Variants in PAK1 observed in about 807,000 individuals in gnomAD.
The protein encoded by PAK1 is serine/threonine-protein kinase PAK 1.
A neutral mutation model predicts 67.4 loss-of-function variants in PAK1; 29 were observed. That is an observed-to-expected ratio of 0.43 (90% CI 0.32 to 0.59). The LOEUF (loss-of-function observed/expected upper bound fraction) is 0.59, where lower values mean the gene tolerates loss of function less well. Ranked by LOEUF, PAK1 falls within the 20% of genes least tolerant of loss-of-function variation. The probability of loss-of-function intolerance (pLI) is 0.07; values close to 1 mark genes in which losing one functional copy is unlikely to be tolerated. For synonymous variants in PAK1, 223 were observed against 237.4 expected, an observed-to-expected ratio of 0.94 and a Z score of 0.56; for missense variants, 337 against 670.7, an observed-to-expected ratio of 0.50 and a Z score of 5.50.
chr11:77,415,094 G>GAT (rs1242681527), intron 1 of PAK1, among the ~76,000 whole-genome samples: 4 of 152,112 alleles, frequency 2.6e-5, no homozygotes, highest in Non-Finnish European at 4.4e-5. Flanking sequence ...CACCAAGGAA[G>GAT]ATATATGCAT....
At chr11:77,453,369 T>A (rs78717502) in intron 1 of PAK1, among the ~76,000 whole-genome samples, 4,820 of 151,426 alleles carry the variant, frequency 0.032, 260 homozygotes, top group African/African-American at 0.11. Flanking sequence ...AAAAAAAAAA[T>A]TTTTTTGGAA....
At chr11:77,499,308 G>T in the PAK1 span, among the ~76,000 whole-genome samples, 1 of 151,992 alleles carries the variant, frequency 6.6e-6, no homozygotes, top group Admixed American at 6.6e-5. Flanking sequence ...AGCAATCCTC[G>T]CAGTTTGGCC....
At chr11:77,381,718 T>C (rs986048626) in intron 2 of PAK1, among the ~76,000 whole-genome samples, 5 of 152,250 alleles carry the variant, frequency 3.3e-5, no homozygotes, top group African/African-American at 1.2e-4. Context: ...TACTGTCATT[T>C]TACAGATGAG....
At chr11:77,440,006 C>A (rs926307660) in intron 1 of PAK1, among the ~76,000 whole-genome samples, 2 of 152,176 alleles carry the variant, frequency 1.3e-5, no homozygotes, top group Non-Finnish European at 2.9e-5. Context: ...CTAAGGTACA[C>A]CTGTCATCGG....
chr11:77,437,969 A>T (rs1956201935), intron 1 of PAK1, among the ~76,000 whole-genome samples: 2 of 152,134 alleles, frequency 1.3e-5, no homozygotes, highest in South Asian at 4.1e-4. Context: ...CTAACTCAAC[A>T]ATATGTCTCA....
rs569157019 is a variant in PAK1 at position 77,422,442 on chromosome 11, T to A, written c.-21-29901A>T. On this transcript the variant is annotated intron_variant, in intron 1 of 14. Coordinates refer to ENST00000356341, the MANE Select transcript of PAK1 (RefSeq NM_002576.5). ...CAGGCATGGTGGCAGGCACCTGTAA[T>A]CTTGGGAGGCTGAGGCAGGGAGAAA... Among the ~76,000 whole-genome samples the A allele has an allele frequency of 3.3e-5, 5 of 151,792 alleles. No homozygotes were observed. In the East Asian group the frequency reaches 9.7e-4, roughly 29 times the overall value.
At chr11:77,517,236 G>T in the PAK1 span, among the ~76,000 whole-genome samples, 1,537 of 152,176 alleles carry the variant, frequency 0.01, 24 homozygotes, top group African/African-American at 0.033. Context: ...TTAGCACTCA[G>T]TGGAAAAAGA....
At chr11:77,461,661 A>G (rs556842705) in intron 1 of PAK1, among the ~76,000 whole-genome samples, 2 of 152,346 alleles carry the variant, frequency 1.3e-5, no homozygotes, top group South Asian at 4.1e-4. Flanking sequence ...ATGTTTATGT[A>G]TGTTTACATA....
intron 1 of PAK1, among the ~76,000 whole-genome samples, chr11:77,395,721 C>T (rs1408422857): frequency 6.6e-6 from 1 of 152,194 alleles, no homozygotes; most frequent in African/African-American, 2.4e-5. Context: ...TTGCATAATT[C>T]ATCCTGACCC....
chr11:77,528,924 C>T, the PAK1 span, among the ~76,000 whole-genome samples: 1 of 152,142 alleles, frequency 6.6e-6, no homozygotes, highest in Non-Finnish European at 1.5e-5. Flanking sequence ...TATCAGGAGG[C>T]AATTAATGTC....
the PAK1 span, among the ~76,000 whole-genome samples, chr11:77,504,561 T>C: frequency 6.6e-6 from 1 of 152,358 alleles, no homozygotes; most frequent in South Asian, 2.1e-4. Context: ...TGTTGCAATG[T>C]GGAATCTGAA....
chr11:77,487,482 G>A, the PAK1 span, among the ~76,000 whole-genome samples: 5 of 152,056 alleles, frequency 3.3e-5, no homozygotes, highest in African/African-American at 1.2e-4. Flanking sequence ...CAGTAGGGTA[G>A]AGCACCAAGC....
At chr11:77,337,835 G>A (rs1475256406) in intron 11 of PAK1, among the ~76,000 whole-genome samples, 1 of 152,194 alleles carries the variant, frequency 6.6e-6, no homozygotes, top group Non-Finnish European at 1.5e-5. Context: ...AGTGATACTA[G>A]AAGCAGTAAG....
At chr11:77,360,582 G>A (rs538663017) in intron 5 of PAK1, among the ~76,000 whole-genome samples, 4 of 152,298 alleles carry the variant, frequency 2.6e-5, no homozygotes, top group African/African-American at 7.2e-5. Flanking sequence ...GAGCTCCCCT[G>A]ATGTATACTG....
chr11:77,463,367 T>C (rs1344372616), intron 1 of PAK1, among the ~76,000 whole-genome samples: 1 of 152,040 alleles, frequency 6.6e-6, no homozygotes, highest in African/African-American at 2.4e-5. Flanking sequence ...ATGTTTTATT[T>C]AAAAAAAATT....
the PAK1 span, among the ~76,000 whole-genome samples, chr11:77,520,004 C>G: frequency 2.0e-5 from 3 of 151,858 alleles, no homozygotes; most frequent in African/African-American, 4.8e-5. Flanking sequence ...GGCCTGTGGC[C>G]CCCCCCTCCG....
chr11:77,465,238 A>G (rs898447252), intron 1 of PAK1, among the ~76,000 whole-genome samples: 1 of 152,182 alleles, frequency 6.6e-6, no homozygotes, highest in African/African-American at 2.4e-5. Context: ...CAGCACCCAA[A>G]TGATCAGGAA....
chr11:77,524,171 T>C, the PAK1 span, among the ~76,000 whole-genome samples: 474 of 152,352 alleles, frequency 3.1e-3, 3 homozygotes, highest in African/African-American at 0.01. Flanking sequence ...CGTTGGATCA[T>C]GGCATATTGC....
At chr11:77,389,645 T>C (rs1950886957) in intron 2 of PAK1, among the ~76,000 whole-genome samples, 3 of 152,258 alleles carry the variant, frequency 2.0e-5, no homozygotes, top group Admixed American at 6.5e-5. Context: ...TCTTGGCCAT[T>C]TGTATATGTT....
Sources: gnomAD v4.1 joint callset for allele counts (sites outside exome capture counted in the v4.1 genomes callset) on GRCh38, gnomAD v4.1.1 for gene constraint, MANE v1.5 for transcripts, NCBI Gene and HGNC (gene_info 2026-07-23, HGNC 2026-07-21) for gene names.